Variants in TAFA2 observed in about 807,000 individuals in gnomAD.
The protein encoded by TAFA2 is TAFA chemokine like family member 2, also known as chemokine-like protein TAFA-2.
TAFA2 carries 7 observed loss-of-function variants against 18.8 expected under a neutral mutation model. The observed-to-expected ratio is 0.37, with a 90% CI of 0.21 to 0.70. TAFA2 has a LOEUF of 0.70. Among genes scored for constraint, TAFA2 ranks in the 30% least tolerant of loss-of-function variants. The pLI is 0.53. For missense variants in TAFA2, 122 were observed against 158.1 expected, an observed-to-expected ratio of 0.77 and a Z score of 1.23; for synonymous variants, 60 against 54.2, an observed-to-expected ratio of 1.11 and a Z score of -0.47.
chr12:62,110,296 G>T (rs1198248105), intron 1 of TAFA2, among the ~76,000 whole-genome samples: 1 of 152,150 alleles, frequency 6.6e-6, no homozygotes, highest in Admixed American at 6.5e-5. Flanking sequence ...ATTTGTGTAT[G>T]TTGAACCAGC....
chr12:62,210,429 A>G (rs937182256), intron 1 of TAFA2, among the ~76,000 whole-genome samples: 15 of 152,314 alleles, frequency 9.8e-5, no homozygotes, highest in African/African-American at 3.1e-4. Context: ...AATATGATAT[A>G]GGATTATTTC....
At chr12:61,967,899 A>G (rs1475211470) in intron 1 of TAFA2, among the ~76,000 whole-genome samples, 1 of 151,870 alleles carries the variant, frequency 6.6e-6, no homozygotes, top group Non-Finnish European at 1.5e-5. Flanking sequence ...CACACAAGCA[A>G]GGAAGCACAT....
chr12:61,978,467 A>G (rs1879513935), intron 1 of TAFA2, among the ~76,000 whole-genome samples: 3 of 152,060 alleles, frequency 2.0e-5, no homozygotes, highest in African/African-American at 7.2e-5. Context: ...AAAGAGAGGA[A>G]CAGTTCCTAC....
chr12:62,095,225 T>G (rs542061367), intron 1 of TAFA2, among the ~76,000 whole-genome samples: 4 of 152,224 alleles, frequency 2.6e-5, no homozygotes, highest in Admixed American at 2.0e-4. Flanking sequence ...ATGCAAGGTC[T>G]TTGAGCATCA....
chr12:62,026,297 A>G (rs1179462358), intron 1 of TAFA2, among the ~76,000 whole-genome samples: 1 of 152,196 alleles, frequency 6.6e-6, no homozygotes, highest in Non-Finnish European at 1.5e-5. Flanking sequence ...AGAGTCACGT[A>G]AAGAAGACAG....
chr12:62,100,032 A>T (rs201761579), intron 1 of TAFA2, among the ~76,000 whole-genome samples: 11 of 152,086 alleles, frequency 7.2e-5, no homozygotes, highest in Admixed American at 2.6e-4. Flanking sequence ...ATCAATATGA[A>T]TTTTTTTATT....
At chr12:62,035,553 A>T (rs1011518957) in intron 1 of TAFA2, among the ~76,000 whole-genome samples, 49 of 141,668 alleles carry the variant, frequency 3.5e-4, no homozygotes, top group Non-Finnish European at 6.1e-4. Flanking sequence ...AATAAAAAAA[A>T]TTAAAAAAAA....
At chr12:62,001,294 T>C (rs755455456) in intron 1 of TAFA2, among the ~76,000 whole-genome samples, 3 of 152,190 alleles carry the variant, frequency 2.0e-5, no homozygotes, top group Non-Finnish European at 4.4e-5. Flanking sequence ...GATTTTTCCA[T>C]GGACTGAGGC....
At chr12:62,009,691 C>T (rs1441696046) in intron 1 of TAFA2, among the ~76,000 whole-genome samples, 6 of 152,184 alleles carry the variant, frequency 3.9e-5, no homozygotes, top group Non-Finnish European at 5.9e-5. Flanking sequence ...TTATTACTCA[C>T]AGAAAGTAAT....
chr12:61,906,469 G>A (rs1876359037), intron 1 of TAFA2, among the ~76,000 whole-genome samples: 2 of 152,180 alleles, frequency 1.3e-5, no homozygotes, highest in South Asian at 4.1e-4. Flanking sequence ...GACCTCTCCA[G>A]CCAGGTGGAA....
chr12:61,952,205 G>A (rs1878493234), intron 1 of TAFA2, among the ~76,000 whole-genome samples: 1 of 152,180 alleles, frequency 6.6e-6, no homozygotes, highest in African/African-American at 2.4e-5. Context: ...ACAGATATCT[G>A]CACAGCCCAT....
chr12:61,732,907 C>T (rs1868249414), intron 4 of TAFA2, among the ~76,000 whole-genome samples: 1 of 152,010 alleles, frequency 6.6e-6, no homozygotes, highest in Admixed American at 6.6e-5. Context: ...CAATCTAGAA[C>T]AAGAAGTCTG....
intron 1 of TAFA2, among the ~76,000 whole-genome samples, chr12:62,179,937 T>G (rs1391461286): frequency 6.6e-6 from 1 of 152,212 alleles, no homozygotes; most frequent in Non-Finnish European, 1.5e-5. Flanking sequence ...CCATACCATC[T>G]GCCCAGTGAA....
intron 2 of TAFA2, among the ~76,000 whole-genome samples, chr12:61,813,028 T>G (rs1270322655): frequency 2.0e-5 from 3 of 151,568 alleles, no homozygotes; most frequent in Non-Finnish European, 4.4e-5. Context: ...AAACAATACT[T>G]AAAGTTGTGT....
chr12:61,884,739 A>G (rs1875297166), intron 1 of TAFA2, among the ~76,000 whole-genome samples: 1 of 152,178 alleles, frequency 6.6e-6, no homozygotes, highest in Non-Finnish European at 1.5e-5. Flanking sequence ...ACCAATTTGC[A>G]CTGTGTCTTA....
At chr12:61,945,482 AG>A (rs1261049466) in intron 1 of TAFA2, among the ~76,000 whole-genome samples, 1 of 33,532 alleles carries the variant, frequency 3.0e-5, no homozygotes, top group African/African-American at 1.6e-4. Context: ...AAGGAAATAA[AG>A]GGTATTCAAT....
intron 1 of TAFA2, among the ~76,000 whole-genome samples, chr12:61,882,170 A>C (rs1875174874): frequency 6.6e-6 from 1 of 152,192 alleles, no homozygotes; most frequent in Admixed American, 6.5e-5. Context: ...GGCTAAAAAC[A>C]GAGTATTTAT....
chr12:61,819,519 A>T (rs1183831319), intron 2 of TAFA2, among the ~76,000 whole-genome samples: 1 of 152,180 alleles, frequency 6.6e-6, no homozygotes, highest in Non-Finnish European at 1.5e-5. Context: ...TAATTGTGGA[A>T]AACAGGCTAG....
At chr12:62,172,896 C>A (rs2062487779) in intron 1 of TAFA2, among the ~76,000 whole-genome samples, 1 of 152,192 alleles carries the variant, frequency 6.6e-6, no homozygotes, top group East Asian at 1.9e-4. Context: ...AATTTAGTCA[C>A]TGAATAAGCT....
Sources: gnomAD v4.1 joint callset for allele counts (sites outside exome capture counted in the v4.1 genomes callset) on GRCh38, gnomAD v4.1.1 for gene constraint, MANE v1.5 for transcripts, NCBI Gene and HGNC (gene_info 2026-07-23, HGNC 2026-07-21) for gene names.